DMBT1: variants seen among roughly 807,000 people sequenced by gnomAD.
DMBT1 encodes the protein scavenger receptor cysteine-rich domain-containing protein DMBT1.
Under a neutral mutation model 252.9 loss-of-function variants are expected in DMBT1, and 198 were observed. The ratio of observed to expected loss-of-function variants is 0.78; its 90% confidence interval spans 0.70 to 0.88. The LOEUF is 0.88. Ranked by LOEUF, DMBT1 falls within the 40% of genes least tolerant of loss-of-function variation. The probability of loss-of-function intolerance (pLI) is 0.00; values close to 1 mark genes in which losing one functional copy is unlikely to be tolerated. For synonymous variants in DMBT1, 990 were observed against 942.7 expected (o/e 1.05, Z -0.92); for missense variants, 2,432 against 2,404.7 (o/e 1.01, Z -0.24).
chr10:122,620,438 C>A, intron 43 of DMBT1, 147 bp downstream of exon 43: 1 of 923,124 alleles, frequency 1.1e-6, no homozygotes, highest in South Asian at 1.6e-5. Context: ...CCCTGGGAAC[C>A]TAGTCCTGGG....
At chr10:122,600,181 T>G (rs1274842912) in intron 27 of DMBT1, 88 bp downstream of exon 27, 9 of 1,516,302 alleles carry the variant, frequency 5.9e-6, no homozygotes, top group Non-Finnish European at 7.2e-6. Flanking sequence ...CCTGTTTCTC[T>G]GTGTGGATAC....
At position 122,637,222 on chromosome 10, in the gene DMBT1, C is replaced by G. The variant is rs2098234046; in HGVS notation, c.6852C>G (p.Thr2284=). 1.2e-6 allele frequency: 2 copies of G among 1,614,012 alleles called. No homozygotes were observed. Among genetic ancestry groups the G allele is most frequent in the Non-Finnish European group, 1.7e-6 (2 of 1,179,902 alleles). ...GFSASDLVIS[T]WNGYYECRPQ... ...CTGCCAGTGACCTTGTCATTTCCAC[C>G]TGGAATGGATACTACGAGTGTCGGC... The change falls in exon 54 of 56, where the codon ACC becomes ACG. Residue 2284 remains threonine (T), a synonymous_variant. Transcript: ENST00000338354.
intron 10 of DMBT1, among the ~76,000 whole-genome samples, chr10:122,580,105 C>T (rs1488881221): frequency 2.0e-5 from 3 of 152,160 alleles, no homozygotes; most frequent in Non-Finnish European, 2.9e-5. Flanking sequence ...ACTAAAACAA[C>T]CCAGAGTTTT....
intron 6 of DMBT1, among the ~76,000 whole-genome samples, chr10:122,575,208 C>A (rs2097701588): frequency 6.6e-6 from 1 of 152,212 alleles, no homozygotes; most frequent in African/African-American, 2.4e-5. Context: ...GTAGCCAATG[C>A]AATGAGAGAA....
chr10:122,579,795 T>C lies in DMBT1; in HGVS notation c.897T>C (p.Asp299=). ...FGQGSGPIVL[D]DVRCSGHESY... ...AGGGCTCAGGACCCATTGTCCTGGA[T>C]GATGTGCGCTGCTCAGGACATGAGT... is the stretch of plus-strand genomic sequence containing the variant. Residue 299 remains aspartate (D), a synonymous_variant, in exon 10 of 56, where the codon GAT becomes GAC. Coordinates refer to ENST00000338354, the MANE Select transcript of DMBT1 (RefSeq NM_001377530.1). 1 of 1,607,368 alleles carries C rather than the reference T, an allele frequency of 6.2e-7. No individual in the cohort carries two copies. Among genetic ancestry groups the C allele is most frequent in the Non-Finnish European group, 8.5e-7 (1 of 1,173,820 alleles).
rs556058757 is a variant in DMBT1, at chr10:122,630,347, A to G, written c.5882A>G (p.Asn1961Ser). 1.2e-6 allele frequency: 2 copies of G among 1,614,068 alleles called. No homozygotes were observed. Among genetic ancestry groups the G allele is most frequent in the Admixed American group, 1.7e-5 (1 of 60,030 alleles). ...DYVEIFDGSLNSSLLLGKICN... is the reference protein window; with the variant it reads ...DYVEIFDGSLSSSLLLGKICN... ...GTTGAAATCTTTGATGGATCATTGA[A>G]TAGCAGTCTCCTGCTGGGGAAAATC... The change falls in exon 48 of 56, where the codon AAT becomes AGT. Residue 1961 changes from asparagine to serine, a missense_variant. Transcript: ENST00000338354.
At chr10:122,575,137 G>A (rs976452556) in intron 6 of DMBT1, among the ~76,000 whole-genome samples, 2 of 152,210 alleles carry the variant, frequency 1.3e-5, no homozygotes, top group East Asian at 3.8e-4. Context: ...TTCTGCTAAT[G>A]TGAAAAACAA....
chr10:122,622,468 C>G (rs1360073517), intron 44 of DMBT1, among the ~76,000 whole-genome samples: 1 of 152,194 alleles, frequency 6.6e-6, no homozygotes, highest in Non-Finnish European at 1.5e-5. Context: ...CCAGAAGTTC[C>G]AAGTCTTTTT....
intron 52 of DMBT1, among the ~76,000 whole-genome samples, chr10:122,635,297 T>G (rs965867667): frequency 1.3e-5 from 2 of 152,234 alleles, no homozygotes; most frequent in Non-Finnish European, 2.9e-5. Context: ...CAATTATTTA[T>G]TTCTCTCACT....
intron 2 of DMBT1, among the ~76,000 whole-genome samples, chr10:122,567,464 T>C (rs1209512597): frequency 6.6e-6 from 1 of 152,174 alleles, no homozygotes; most frequent in African/African-American, 2.4e-5. Context: ...GGGGATACCC[T>C]GAAGATGGTC....
chr10:122,598,933 C>A lies in DMBT1; in HGVS notation c.3116C>A (p.Ala1039Asp), dbSNP rs563576220. 7 of 1,613,676 alleles carry A rather than the reference C, an allele frequency of 4.3e-6. No individual in the cohort carries two copies. Among genetic ancestry groups the A allele is most frequent in the Non-Finnish European group, 4.2e-6 (5 of 1,179,758 alleles). ...TGCAGGCAACTGGGCTGTGGCTGGG[C>A]CATGTCAGCCCCAGGAAATGCCCGG... The part of the protein sequence containing the change: ...VVCRQLGCGW[A>D]MSAPGNARFG... Residue 1039 changes from alanine (A) to aspartate (D), a missense_variant, in exon 26 of 56, where the codon GCC becomes GAC. By Grantham distance (126) the Ala-to-Asp change is moderately radical (BLOSUM62 -2). Around this residue, in one of 3 missense-constraint regions of DMBT1, gnomAD observed 1,264 missense variants for 1,082.2 expected, o/e 1.17. Transcript: ENST00000338354.
intron 17 of DMBT1, among the ~76,000 whole-genome samples, chr10:122,589,999 G>T (rs1195750467): frequency 6.7e-6 from 1 of 148,498 alleles, no homozygotes; most frequent in Admixed American, 6.7e-5. Flanking sequence ...CCACTGAAAG[G>T]TTTAGGTGAG....
At chr10:122,621,417 T>C (rs1451481336) in intron 44 of DMBT1, 37 bp downstream of exon 44, 16 of 1,613,098 alleles carry the variant, frequency 9.9e-6, no homozygotes, top group Non-Finnish European at 1.4e-5. Context: ...TCTCTTGGGG[T>C]GGAGTTTGCT....
chr10:122,630,810 C>A, intron 48 of DMBT1, 151 bp from the exon 49 acceptor site: 1 of 804,520 alleles, frequency 1.2e-6, no homozygotes, highest in Non-Finnish European at 1.9e-6. Context: ...CTGCATGGAG[C>A]GGTCCAGTAC....
At position 122,629,904 on chromosome 10, in the gene DMBT1, C is replaced by T. The variant is rs1303520651; in HGVS notation, c.5733C>T (p.Tyr1911=). The change falls in exon 47 of 56, where the codon TAC becomes TAT. Residue 1911 remains tyrosine, a synonymous_variant. Coordinates refer to ENST00000338354, the MANE Select transcript of DMBT1 (RefSeq NM_001377530.1). The part of the protein sequence containing the change: ...YASGTFSSPS[Y]PAYYPNNAKC... Reference sequence around the variant, plus strand: ...GTGGGACATTCTCCAGCCCATCCTACCCTGCATACTACCCCAACAATGCTA... The same window carrying T: ...GTGGGACATTCTCCAGCCCATCCTATCCTGCATACTACCCCAACAATGCTA... 4 of 1,614,004 alleles carry T rather than the reference C, an allele frequency of 2.5e-6. No individual in the cohort carries two copies. The highest frequency in any genetic ancestry group is 2.7e-5 in the African/African-American group (2 of 75,042).
intron 3 of DMBT1, 58 bp from the exon 4 acceptor site, chr10:122,570,832 C>T: frequency 6.3e-7 from 1 of 1,588,982 alleles, no homozygotes; most frequent in South Asian, 1.1e-5. Context: ...AAGCCATGGA[C>T]CAACCCTCCC....
chr10:122,572,997 CT>C (rs1275926306), intron 5 of DMBT1, among the ~76,000 whole-genome samples: 29 of 152,308 alleles, frequency 1.9e-4, no homozygotes, highest in Non-Finnish European at 2.9e-5. Flanking sequence ...TGCTGATTTC[CT>C]TTGTTCACAT....
chr10:122,591,017 G>A lies in DMBT1; in HGVS notation c.2137+323G>A, dbSNP rs994301279. Reference sequence around the variant, plus strand: ...CTCACTCCTTCAGACACCCCCAGATGCGGCAGGGCCCCATCTACCTCCAGA... The same window carrying A: ...CTCACTCCTTCAGACACCCCCAGATACGGCAGGGCCCCATCTACCTCCAGA... On this transcript the variant is annotated intron_variant, in intron 18 of 55. Transcript: ENST00000338354. 2.7e-5 allele frequency among the ~76,000 whole-genome samples: 4 copies of A among 148,548 alleles called. 1 individual carries two copies. The highest frequency in any genetic ancestry group is 4.6e-4 in the South Asian group (2 of 4,380).
At chr10:122,567,363 G>A (rs2097605261) in intron 2 of DMBT1, among the ~76,000 whole-genome samples, 1 of 152,206 alleles carries the variant, frequency 6.6e-6, no homozygotes, top group African/African-American at 2.4e-5. Context: ...GGGCCCTTCC[G>A]AATAAGGCCT....
Sources: gnomAD v4.1 joint callset for allele counts (sites outside exome capture counted in the v4.1 genomes callset) on GRCh38, gnomAD v4.1.1 for gene constraint, gnomAD v4.1.1 regional missense constraint, MANE v1.5 for transcripts, NCBI Gene and HGNC (gene_info 2026-07-23, HGNC 2026-07-21) for gene names.